The following CNTLN variants were observed in gnomAD, a reference collection of about 807,000 sequenced individuals.
CNTLN encodes the protein centlein.
A neutral mutation model predicts 180.0 loss-of-function variants in CNTLN; 212 were observed. The ratio of observed to expected loss-of-function variants is 1.18; its 90% CI spans 1.05 to 1.32. The LOEUF (loss-of-function observed/expected upper bound fraction) is 1.32. Among genes scored for constraint, CNTLN ranks in the 40% most tolerant of loss-of-function variants. The pLI, the probability that CNTLN is intolerant of heterozygous loss-of-function variation, is 0.00. For missense variants in CNTLN, 2,095 were observed against 1,610.9 expected (o/e 1.30, Z -5.14); for synonymous variants, 722 against 563.1 (o/e 1.28, Z -3.99).
chr9:17,260,522 G>C (rs184331735), intron 5 of CNTLN, among the ~76,000 whole-genome samples: 1 of 150,850 alleles, frequency 6.6e-6, no homozygotes, highest in African/African-American at 2.5e-5. Context: ...TTGTTTTTTT[G>C]CTTGTTGACT....
chr9:17,448,378 C>G (rs1378364007), intron 18 of CNTLN: 4 of 152,160 alleles, frequency 2.6e-5, no homozygotes, highest in Non-Finnish European at 1.5e-5. Flanking sequence ...TTAGTCCATC[C>G]AAGCCCATAA....
intron 15 of CNTLN, among the ~76,000 whole-genome samples, chr9:17,399,270 TG>T (rs1480328331): frequency 6.6e-6 from 1 of 152,202 alleles, no homozygotes; most frequent in Non-Finnish European, 1.5e-5. Context: ...ATCTGTCTTT[TG>T]TTACAGGGGT....
chr9:17,450,854 T>C (rs1190890712), intron 18 of CNTLN, among the ~76,000 whole-genome samples: 5 of 152,160 alleles, frequency 3.3e-5, no homozygotes, highest in Non-Finnish European at 5.9e-5. Flanking sequence ...GTTTTTAATT[T>C]TTAATTCTTT....
chr9:17,168,547 A>G (rs919209791), intron 2 of CNTLN: 23 of 152,296 alleles, frequency 1.5e-4, no homozygotes, highest in African/African-American at 2.6e-4. Flanking sequence ...AGAATTAAAT[A>G]AAAATATGTG....
At chr9:17,208,050 A>G (rs1217057182) in intron 2 of CNTLN, among the ~76,000 whole-genome samples, 3 of 152,176 alleles carry the variant, frequency 2.0e-5, no homozygotes, top group African/African-American at 7.2e-5. Flanking sequence ...TCCAGATCTT[A>G]GAGGAAAGAC....
chr9:17,454,712 C>T (rs1045521454), intron 18 of CNTLN, among the ~76,000 whole-genome samples: 2 of 152,198 alleles, frequency 1.3e-5, no homozygotes, highest in African/African-American at 4.8e-5. Context: ...TCCTCGAGAT[C>T]ACCTTTGTTA....
chr9:17,264,127 G>A (rs1362207345), intron 5 of CNTLN, among the ~76,000 whole-genome samples: 1 of 143,538 alleles, frequency 7.0e-6, no homozygotes, highest in Non-Finnish European at 1.5e-5. Context: ...CCATGCCTAT[G>A]TCCTGAATGG....
intron 6 of CNTLN, among the ~76,000 whole-genome samples, chr9:17,286,152 A>G (rs200188388): frequency 5.4e-5 from 4 of 74,260 alleles, no homozygotes; most frequent in African/African-American, 1.6e-4. Flanking sequence ...TAACGTTTAA[A>G]TCTTTAATCC....
chr9:17,316,312 A>G (rs962336436), intron 8 of CNTLN, among the ~76,000 whole-genome samples: 4 of 152,032 alleles, frequency 2.6e-5, no homozygotes, highest in Admixed American at 6.6e-5. Context: ...TTTACATTCA[A>G]TATATGTGCC....
intron 2 of CNTLN, among the ~76,000 whole-genome samples, chr9:17,174,732 C>T (rs573204848): frequency 6.6e-6 from 1 of 151,760 alleles, no homozygotes; most frequent in African/African-American, 2.4e-5. Context: ...ATTGCCAAAC[C>T]GTTTGTCAGA....
At chr9:17,336,536 A>G (rs930989238) in intron 10 of CNTLN, among the ~76,000 whole-genome samples, 1 of 152,130 alleles carries the variant, frequency 6.6e-6, no homozygotes, top group Non-Finnish European at 1.5e-5. Flanking sequence ...ATTTTAAAAG[A>G]TTTTTTCTTA....
intron 2 of CNTLN, among the ~76,000 whole-genome samples, chr9:17,214,252 G>C (rs936416418): frequency 3.9e-5 from 6 of 152,002 alleles, no homozygotes; most frequent in African/African-American, 1.4e-4. Context: ...CAGGCCTGGT[G>C]GTGACAAAAT....
At chr9:17,249,601 G>A (rs989177191) in intron 5 of CNTLN, among the ~76,000 whole-genome samples, 6 of 151,900 alleles carry the variant, frequency 3.9e-5, no homozygotes, top group African/African-American at 9.7e-5. Flanking sequence ...TGCCTTCCTC[G>A]GCCCCCCAAA....
intron 25 of CNTLN, among the ~76,000 whole-genome samples, chr9:17,492,935 A>G (rs10441681): frequency 0.34 from 52,360 of 152,052 alleles, 9,723 homozygotes; most frequent in East Asian, 0.53. Context: ...ACATGCTACA[A>G]TATGGATGAA....
At chr9:17,154,194 C>T (rs999456006) in intron 2 of CNTLN, among the ~76,000 whole-genome samples, 2 of 152,186 alleles carry the variant, frequency 1.3e-5, no homozygotes, top group African/African-American at 2.4e-5. Flanking sequence ...GCTTTGTTCC[C>T]TTGCTGGCGA....
chr9:17,216,926 G>T (rs1451884521), intron 2 of CNTLN, among the ~76,000 whole-genome samples: 1 of 152,154 alleles, frequency 6.6e-6, no homozygotes, highest in Non-Finnish European at 1.5e-5. Context: ...TTCCACCCAG[G>T]GCATAAATGT....
At chr9:17,521,296 G>GAGAGAGAGAGAGAGAGC in the CNTLN span, among the ~76,000 whole-genome samples, 1 of 10,462 alleles carries the variant, frequency 9.6e-5, no homozygotes, top group South Asian at 4.1e-3. Context: ...AGAGAGAGAG[G>GAGAGAGAGAGAGAGAGC]AAATGGAACA....
chr9:17,521,424 C>G, the CNTLN span, among the ~76,000 whole-genome samples: 1 of 152,196 alleles, frequency 6.6e-6, no homozygotes, highest in East Asian at 1.9e-4. Context: ...TGTGATTTAG[C>G]TTGTTCTAGA....
intron 1 of CNTLN, among the ~76,000 whole-genome samples, chr9:17,140,136 G>A (rs1482336324): frequency 6.6e-6 from 1 of 151,232 alleles, no homozygotes; most frequent in Non-Finnish European, 1.5e-5. Context: ...GTGTTTTTTC[G>A]GGGGGGGACT....
Sources: allele counts gnomAD v4.1 joint callset (sites outside exome capture counted in the v4.1 genomes callset), GRCh38; gene constraint gnomAD v4.1.1; transcripts MANE v1.5; gene names NCBI Gene and HGNC (gene_info 2026-07-23, HGNC 2026-07-21).